The following LYPD6B variants were observed in gnomAD, a reference collection of about 807,000 sequenced individuals.
LYPD6B encodes the protein ly6/PLAUR domain-containing protein 6B.
In LYPD6B, 17 loss-of-function variants were observed where a neutral mutation model predicts 22.8. The ratio of observed to expected loss-of-function variants is 0.75; its 90% CI spans 0.51 to 1.12. The LOEUF (loss-of-function observed/expected upper bound fraction) is 1.12. Among genes scored for constraint, LYPD6B ranks in the 50% most tolerant of loss-of-function variants. The pLI, the probability that LYPD6B is intolerant of heterozygous loss-of-function variation, is 0.00. For synonymous variants in LYPD6B, 106 were observed against 91.6 expected (o/e 1.16, Z -0.90); for missense variants, 221 against 258.3 (o/e 0.86, Z 0.99).
chr2:149,040,900 C>T (rs572785683), intron 1 of LYPD6B, among the ~76,000 whole-genome samples: 66 of 152,270 alleles, frequency 4.3e-4, no homozygotes, highest in African/African-American at 1.4e-3. Context: ...AAATGCTCAA[C>T]ATATGCCAGG....
At chr2:149,172,074 A>T (rs1235224003) in intron 3 of LYPD6B, among the ~76,000 whole-genome samples, 1 of 152,202 alleles carries the variant, frequency 6.6e-6, no homozygotes, top group East Asian at 1.9e-4. Context: ...ATTGACTCAC[A>T]GTTCAGCATG....
chr2:149,146,169 T>A (rs889065681), intron 2 of LYPD6B, among the ~76,000 whole-genome samples: 1 of 152,220 alleles, frequency 6.6e-6, no homozygotes, highest in Admixed American at 6.5e-5. Flanking sequence ...ATATTAATCA[T>A]GTAATTATAC....
intron 1 of LYPD6B, among the ~76,000 whole-genome samples, chr2:149,048,181 T>G (rs970096573): frequency 6.6e-6 from 1 of 152,208 alleles, no homozygotes; most frequent in Non-Finnish European, 1.5e-5. Flanking sequence ...CCCTATAATT[T>G]TTTTTTGTTG....
intron 2 of LYPD6B, among the ~76,000 whole-genome samples, chr2:149,151,852 C>A (rs1227767981): frequency 1.3e-5 from 2 of 152,134 alleles, no homozygotes; most frequent in African/African-American, 4.8e-5. Context: ...CCAAAGCCTT[C>A]CATGGCTCCC....
intron 1 of LYPD6B, 96 bp from the exon 2 acceptor site, chr2:149,130,786 GT>G: frequency 1.6e-6 from 1 of 626,648 alleles, no homozygotes; most frequent in South Asian, 2.1e-5. Flanking sequence ...TTTATGATGT[GT>G]CCCCAGCCTA....
chr2:149,116,564 C>T (rs1473266383), intron 1 of LYPD6B, among the ~76,000 whole-genome samples: 1 of 152,178 alleles, frequency 6.6e-6, no homozygotes, highest in Non-Finnish European at 1.5e-5. Context: ...TTGAATCTGA[C>T]CACTTTGACC....
At chr2:149,098,627 CAAAAAAAAAAA>C (rs1285429577) in intron 1 of LYPD6B, among the ~76,000 whole-genome samples, 2 of 83,486 alleles carry the variant, frequency 2.4e-5, no homozygotes, top group South Asian at 4.1e-4. Context: ...AACTCTGTCT[CAAAAAAAAAAA>C]AAAAAAAAAA....
chr2:149,131,466 A>G, intron 2 of LYPD6B: 1 of 152,744 alleles, frequency 6.5e-6, no homozygotes, highest in Non-Finnish European at 1.5e-5. Context: ...AAGGAAAAAA[A>G]GGAAAGAAAG....
chr2:149,059,738 C>T (rs1161403905), intron 1 of LYPD6B, among the ~76,000 whole-genome samples: 1 of 152,196 alleles, frequency 6.6e-6, no homozygotes, highest in East Asian at 1.9e-4. Flanking sequence ...GGCTTTCATC[C>T]TACTCAGACA....
At chr2:149,145,534 C>A (rs35185141) in intron 2 of LYPD6B, among the ~76,000 whole-genome samples, 77,248 of 151,994 alleles carry the variant, frequency 0.51, 20,185 homozygotes, top group South Asian at 0.69. Flanking sequence ...GCCTGAAGAA[C>A]CACATCTGTC....
At chr2:149,122,416 T>TC (rs1491556974) in intron 1 of LYPD6B, among the ~76,000 whole-genome samples, 2 of 151,984 alleles carry the variant, frequency 1.3e-5, no homozygotes, top group African/African-American at 4.8e-5. Flanking sequence ...TATTATTTTT[T>TC]CTTTTTCTTT....
At chr2:149,157,065 T>A (rs958216182) in intron 2 of LYPD6B, among the ~76,000 whole-genome samples, 2 of 152,196 alleles carry the variant, frequency 1.3e-5, no homozygotes. Flanking sequence ...GTATTACTGA[T>A]GTCCTGAGAT....
At chr2:149,088,665 G>A (rs1685509247) in intron 1 of LYPD6B, among the ~76,000 whole-genome samples, 1 of 152,234 alleles carries the variant, frequency 6.6e-6, no homozygotes, top group South Asian at 2.1e-4. Context: ...TTATCACAAA[G>A]GAATTCTAAG....
At chr2:149,087,018 TAA>T (rs879669919) in intron 1 of LYPD6B, among the ~76,000 whole-genome samples, 5 of 151,488 alleles carry the variant, frequency 3.3e-5, no homozygotes, top group African/African-American at 1.2e-4. Context: ...TTTTTTTTTT[TAA>T]AAAAACCCTA....
chr2:149,167,167 C>T (rs539380327), intron 3 of LYPD6B, among the ~76,000 whole-genome samples: 3 of 151,878 alleles, frequency 2.0e-5, no homozygotes, highest in Non-Finnish European at 2.9e-5. Flanking sequence ...TCTCTGCAGT[C>T]GAGATTGGGC....
intron 1 of LYPD6B, among the ~76,000 whole-genome samples, chr2:149,049,370 C>T (rs1683449326): frequency 2.0e-5 from 3 of 152,236 alleles, no homozygotes; most frequent in African/African-American, 7.2e-5. Flanking sequence ...CACACACACA[C>T]ACATGCTCTC....
intron 1 of LYPD6B, among the ~76,000 whole-genome samples, chr2:149,074,625 A>C (rs1006905586): frequency 2.6e-5 from 4 of 152,254 alleles, no homozygotes; most frequent in Non-Finnish European, 2.9e-5. Context: ...TGTTATTATA[A>C]TAAAACTATA....
chr2:149,192,035 C>T (rs1039322058), intron 3 of LYPD6B, among the ~76,000 whole-genome samples: 1 of 152,094 alleles, frequency 6.6e-6, no homozygotes, highest in African/African-American at 2.4e-5. Context: ...TTATGCCATT[C>T]TCTGGGGAGC....
chr2:149,171,794 C>T (rs768180355), intron 3 of LYPD6B, among the ~76,000 whole-genome samples: 75 of 152,154 alleles, frequency 4.9e-4, no homozygotes, highest in Non-Finnish European at 9.6e-4. Flanking sequence ...CACTCTACTA[C>T]TGAAATTTGC....
Sources: gnomAD v4.1 joint callset for allele counts (sites outside exome capture counted in the v4.1 genomes callset) on GRCh38, gnomAD v4.1.1 for gene constraint, MANE v1.5 for transcripts, NCBI Gene and HGNC (gene_info 2026-07-23, HGNC 2026-07-21) for gene names.